Variants in NBAS observed in about 807,000 individuals in gnomAD.
The protein encoded by NBAS is NAG/BC035112 fusion.
A neutral mutation model predicts 302.5 loss-of-function variants in NBAS; 219 were observed. That is an observed-to-expected ratio of 0.72 (90% CI 0.65 to 0.81). The LOEUF is 0.81. NBAS is among the 30% of genes least tolerant of loss of function. The pLI is 0.00. For missense variants in NBAS, 2,932 were observed against 2,841.6 expected, an observed-to-expected ratio of 1.03 and a Z score of -0.72; for synonymous variants, 1,118 against 1,021.6, an observed-to-expected ratio of 1.09 and a Z score of -1.80.
At chr2:15,440,341 C>T (rs376120824) in intron 21 of NBAS, among the ~76,000 whole-genome samples, 7 of 152,306 alleles carry the variant, frequency 4.6e-5, no homozygotes, top group African/African-American at 1.4e-4. Flanking sequence ...CAGCAGCATT[C>T]GCGGTTCACG....
At chr2:15,445,207 T>C (rs1453529169) in intron 21 of NBAS, among the ~76,000 whole-genome samples, 2 of 150,498 alleles carry the variant, frequency 1.3e-5, no homozygotes, top group African/African-American at 4.9e-5. Context: ...CATGCACATG[T>C]ATGTTTATTG....
chr2:15,071,769 G>C, the NBAS span, among the ~76,000 whole-genome samples: 1 of 152,154 alleles, frequency 6.6e-6, no homozygotes, highest in East Asian at 1.9e-4. Context: ...TTTCTCCCGG[G>C]TGGTTAAGGG....
At chr2:14,980,609 G>A in the NBAS span, among the ~76,000 whole-genome samples, 1,333 of 152,164 alleles carry the variant, frequency 8.8e-3, 10 homozygotes, top group Non-Finnish European at 0.013. Context: ...CCACCCAGAG[G>A]TCCTGATTGG....
the NBAS span, among the ~76,000 whole-genome samples, chr2:14,901,205 C>A: frequency 2.0e-5 from 3 of 152,188 alleles, no homozygotes; most frequent in Non-Finnish European, 4.4e-5. Flanking sequence ...GTGACAGTCA[C>A]TTCACATGGA....
chr2:15,490,838 T>C (rs1368288261), intron 11 of NBAS, among the ~76,000 whole-genome samples: 1 of 152,152 alleles, frequency 6.6e-6, no homozygotes, highest in Non-Finnish European at 1.5e-5. Flanking sequence ...CAGCAGAAAT[T>C]ATGGTCAAGT....
chr2:15,460,811 C>A (rs1679472560), intron 21 of NBAS, among the ~76,000 whole-genome samples: 1 of 152,144 alleles, frequency 6.6e-6, no homozygotes, highest in African/African-American at 2.4e-5. Flanking sequence ...GGTTGCTGAG[C>A]AAAGGAGGAT....
At chr2:15,467,450 A>T (rs1204017403) in intron 18 of NBAS, 43 bp from the exon 19 acceptor site, 1 of 1,500,004 alleles carries the variant, frequency 6.7e-7, no homozygotes, top group Admixed American at 1.7e-5. Context: ...TTTACACAGA[A>T]TTATTTCTCT....
chr2:15,251,803 A>C (rs1256790487), intron 44 of NBAS, among the ~76,000 whole-genome samples: 2 of 152,074 alleles, frequency 1.3e-5, no homozygotes, highest in Non-Finnish European at 2.9e-5. Flanking sequence ...GGTCTTTATG[A>C]TGTGTATCTT....
At chr2:15,395,599 C>T (rs139745255) in intron 27 of NBAS, among the ~76,000 whole-genome samples, 1 of 151,980 alleles carries the variant, frequency 6.6e-6, no homozygotes, top group African/African-American at 2.4e-5. Context: ...CCCTTAAAGG[C>T]AACTTGAAAT....
chr2:15,454,040 G>T (rs1397958174), intron 21 of NBAS, among the ~76,000 whole-genome samples: 1 of 152,162 alleles, frequency 6.6e-6, no homozygotes, highest in Non-Finnish European at 1.5e-5. Context: ...GCCTCCCAAA[G>T]TGCTGGGATT....
chr2:15,266,006 A>C lies in NBAS; in HGVS notation c.5724+9478T>G, dbSNP rs545478749. ...GAATTGTAATAACCCCCATGTGTCA[A>C]GAGCGGGACCAGGTGGAGATAACTG... On this transcript the variant is annotated intron_variant, in intron 44 of 51. Transcript: ENST00000281513. 3.9e-5 allele frequency among the ~76,000 whole-genome samples: 6 copies of C among 152,338 alleles called. No homozygotes were observed. The South Asian group carries it at 6.2e-4, about 16-fold the overall frequency.
chr2:15,057,314 G>GAAAAAA, the NBAS span, among the ~76,000 whole-genome samples: 36,212 of 134,228 alleles, frequency 0.27, 5,153 homozygotes, highest in African/African-American at 0.31. Flanking sequence ...ACAGAAATTT[G>GAAAAAA]AAAAAAAAAA....
the NBAS span, among the ~76,000 whole-genome samples, chr2:14,835,407 G>A: frequency 6.6e-6 from 1 of 151,842 alleles, no homozygotes; most frequent in Non-Finnish European, 1.5e-5. Flanking sequence ...GTAACTCCCG[G>A]CTAGGTGAGG....
At chr2:15,038,756 T>G in the NBAS span, among the ~76,000 whole-genome samples, 1 of 152,326 alleles carries the variant, frequency 6.6e-6, no homozygotes, top group South Asian at 2.1e-4. Flanking sequence ...TATCTCCCAC[T>G]GAATTCACTC....
At chr2:15,404,499 ACT>A (rs1491272044) in intron 25 of NBAS, among the ~76,000 whole-genome samples, 1 of 145,866 alleles carries the variant, frequency 6.9e-6, no homozygotes, top group Non-Finnish European at 1.5e-5. Flanking sequence ...TTAAATAATC[ACT>A]TTTTTTTTTA....
chr2:15,023,867 T>C, the NBAS span, among the ~76,000 whole-genome samples: 2 of 152,026 alleles, frequency 1.3e-5, no homozygotes, highest in Non-Finnish European at 2.9e-5. Context: ...ATCTTTGGTA[T>C]TTGACTTATT....
At chr2:15,108,078 A>C in the NBAS span, among the ~76,000 whole-genome samples, 1 of 149,308 alleles carries the variant, frequency 6.7e-6, no homozygotes, top group Non-Finnish European at 1.5e-5. Flanking sequence ...CTGTGTATCC[A>C]TTCACCTGTT....
the NBAS span, among the ~76,000 whole-genome samples, chr2:15,069,488 A>G: frequency 7.2e-4 from 109 of 152,270 alleles, no homozygotes; most frequent in African/African-American, 2.4e-3. Flanking sequence ...TCTATCCTTC[A>G]GATCACTGAG....
chr2:15,151,838 A>C, the NBAS span, among the ~76,000 whole-genome samples: 1 of 152,062 alleles, frequency 6.6e-6, no homozygotes, highest in Non-Finnish European at 1.5e-5. Context: ...TATCCACTCA[A>C]GAGTCTTTTT....
Sources: gnomAD v4.1 joint callset for allele counts (sites outside exome capture counted in the v4.1 genomes callset) on GRCh38, gnomAD v4.1.1 for gene constraint, MANE v1.5 for transcripts, NCBI Gene and HGNC (gene_info 2026-07-23, HGNC 2026-07-21) for gene names.